The following TMEM117 variants were observed in gnomAD, a reference collection of about 807,000 sequenced individuals.
TMEM117 encodes transmembrane protein 117.
A neutral mutation model predicts 52.4 loss-of-function variants in TMEM117; 27 were observed. The observed-to-expected ratio is 0.51, with a 90% CI of 0.38 to 0.71. TMEM117 has a LOEUF of 0.71. Ranked by LOEUF, TMEM117 falls within the 30% of genes least tolerant of loss-of-function variation. TMEM117 has a pLI of 0.00. For missense variants in TMEM117, 556 were observed against 630.5 expected, an observed-to-expected ratio of 0.88 and a Z score of 1.26; for synonymous variants, 215 against 206.3, an observed-to-expected ratio of 1.04 and a Z score of -0.36.
At chr12:44,103,291 T>C (rs1465169742) in intron 3 of TMEM117, among the ~76,000 whole-genome samples, 1 of 151,782 alleles carries the variant, frequency 6.6e-6, no homozygotes, top group Non-Finnish European at 1.5e-5. Flanking sequence ...GCCAGTTAAC[T>C]ATAAAGTTCC....
chr12:44,209,760 A>G (rs1592608150), intron 4 of TMEM117, among the ~76,000 whole-genome samples: 1 of 152,134 alleles, frequency 6.6e-6, no homozygotes, highest in African/African-American at 2.4e-5. Flanking sequence ...TTGAGAAATA[A>G]TATGAAGAAT....
intron 6 of TMEM117, among the ~76,000 whole-genome samples, chr12:44,305,031 C>A (rs970557892): frequency 6.6e-6 from 1 of 152,160 alleles, no homozygotes; most frequent in Non-Finnish European, 1.5e-5. Flanking sequence ...TGACTCCAGG[C>A]CTTGGCTCCT....
chr12:44,281,837 C>A (rs551467171), intron 5 of TMEM117, among the ~76,000 whole-genome samples: 5 of 152,238 alleles, frequency 3.3e-5, no homozygotes, highest in African/African-American at 1.2e-4. Flanking sequence ...TTTATTATGA[C>A]TTTCTTTACC....
intron 6 of TMEM117, among the ~76,000 whole-genome samples, chr12:44,371,118 C>T (rs1951858380): frequency 6.6e-6 from 1 of 152,046 alleles, no homozygotes; most frequent in African/African-American, 2.4e-5. Context: ...TCACCCAAAG[C>T]CTGAGTACAA....
intron 2 of TMEM117, among the ~76,000 whole-genome samples, chr12:43,896,879 TA>T (rs1336781450): frequency 3.3e-5 from 5 of 152,322 alleles, no homozygotes; most frequent in African/African-American, 1.2e-4. Flanking sequence ...GTGTTTGCCC[TA>T]TAATTTAATA....
chr12:44,167,729 A>G (rs1948988416), intron 4 of TMEM117, among the ~76,000 whole-genome samples: 2 of 152,296 alleles, frequency 1.3e-5, no homozygotes, highest in Admixed American at 1.3e-4. Context: ...CCATTTCAAT[A>G]GATAAGTAAG....
At chr12:44,286,862 A>G (rs1950645397) in intron 5 of TMEM117, among the ~76,000 whole-genome samples, 1 of 152,178 alleles carries the variant, frequency 6.6e-6, no homozygotes, top group Admixed American at 6.5e-5. Context: ...TTTTAGCTGA[A>G]CAGAAAAAAG....
chr12:43,837,332 T>G (rs374779847), intron 1 of TMEM117, among the ~76,000 whole-genome samples: 14 of 151,652 alleles, frequency 9.2e-5, no homozygotes, highest in African/African-American at 2.7e-4. Context: ...TGGCAATTTC[T>G]TTTCTTTTCT....
At chr12:43,856,238 T>C (rs926517515) in intron 2 of TMEM117, among the ~76,000 whole-genome samples, 3 of 152,188 alleles carry the variant, frequency 2.0e-5, no homozygotes, top group African/African-American at 7.2e-5. Flanking sequence ...CTTTGCCCCC[T>C]CAAAATGTTA....
intron 3 of TMEM117, among the ~76,000 whole-genome samples, chr12:44,128,382 C>T (rs1395100176): frequency 6.6e-6 from 1 of 152,240 alleles, no homozygotes; most frequent in Non-Finnish European, 1.5e-5. Flanking sequence ...CAACATTTTA[C>T]ACAGAGGGCT....
intron 4 of TMEM117, among the ~76,000 whole-genome samples, chr12:44,188,949 T>G (rs1592592497): frequency 6.6e-6 from 1 of 152,204 alleles, no homozygotes; most frequent in Non-Finnish European, 1.5e-5. Flanking sequence ...ACATAATAGA[T>G]GTACATATTT....
chr12:44,265,563 G>T (rs1440016985), intron 5 of TMEM117, among the ~76,000 whole-genome samples: 2 of 152,066 alleles, frequency 1.3e-5, no homozygotes, highest in African/African-American at 2.4e-5. Flanking sequence ...AACCCGTTTG[G>T]GAAATAGTTT....
chr12:43,873,470 G>A lies in TMEM117; in HGVS notation c.277+28542G>A, dbSNP rs146122813. 1.0e-3 allele frequency among the ~76,000 whole-genome samples: 158 copies of A among 151,968 alleles called. 1 individual carries two copies. The highest frequency in any genetic ancestry group is 3.5e-3 in the African/African-American group (147 of 41,484). ...TTCAGAGGTTTAGTACCCTAATGAC[G>A]TTCTTATTTAACAATTAATTTTAAT... is the stretch of plus-strand genomic sequence containing the variant. On this transcript the variant is annotated intron_variant, in intron 2 of 7. Coordinates refer to ENST00000266534, the MANE Select transcript of TMEM117 (RefSeq NM_032256.3).
At chr12:44,226,712 A>C (rs1485560671) in intron 5 of TMEM117, among the ~76,000 whole-genome samples, 2 of 152,106 alleles carry the variant, frequency 1.3e-5, no homozygotes, top group East Asian at 3.9e-4. Context: ...AGGTGAAATT[A>C]GGATACAGAC....
intron 4 of TMEM117, among the ~76,000 whole-genome samples, chr12:44,184,692 C>A (rs1236791281): frequency 6.6e-6 from 1 of 152,142 alleles, no homozygotes; most frequent in African/African-American, 2.4e-5. Flanking sequence ...GCGATCCTTT[C>A]CTAGAGCCTC....
chr12:44,141,293 C>T (rs114285014), intron 3 of TMEM117, among the ~76,000 whole-genome samples: 1,534 of 152,066 alleles, frequency 0.01, 11 homozygotes, highest in African/African-American at 0.016. Flanking sequence ...TAGATAATCT[C>T]GTGTCATGGG....
At chr12:43,798,468 C>A in the TMEM117 span, 1 of 1,212,470 alleles carries the variant, frequency 8.2e-7, no homozygotes. Context: ...AACAGAAAGT[C>A]CAATAGAAAT....
chr12:43,865,607 G>T lies in TMEM117; in HGVS notation c.277+20679G>T, dbSNP rs75442275. On this transcript the variant is annotated intron_variant, in intron 2 of 7. Coordinates refer to ENST00000266534, the MANE Select transcript of TMEM117 (RefSeq NM_032256.3). ...AGCTACTAGAGGGGCTGAGGCAGGA[G>T]AGATGCTTGAACCTGGGAGGTGGAG... Among the ~76,000 whole-genome samples, 606 of 152,026 alleles carry T rather than the reference G, an allele frequency of 4.0e-3. 3 individuals are homozygous for T. Among genetic ancestry groups the T allele is most frequent in the African/African-American group, 0.014 (591 of 41,418 alleles).
At chr12:44,336,292 A>T (rs1178077674) in intron 6 of TMEM117, among the ~76,000 whole-genome samples, 1 of 152,044 alleles carries the variant, frequency 6.6e-6, no homozygotes, top group Non-Finnish European at 1.5e-5. Context: ...AGTAAATTTT[A>T]TCTATGATTG....
Sources: allele counts gnomAD v4.1 joint callset (sites outside exome capture counted in the v4.1 genomes callset), GRCh38; gene constraint gnomAD v4.1.1; transcripts MANE v1.5; gene names NCBI Gene and HGNC (gene_info 2026-07-23, HGNC 2026-07-21).